TXNL1: variants seen among roughly 807,000 people sequenced by gnomAD.
TXNL1 encodes the protein thioredoxin like 1, also known as thioredoxin-like protein 1.
Under a neutral mutation model 35.5 loss-of-function variants are expected in TXNL1, and 14 were observed. The observed-to-expected ratio is 0.39, with a 90% CI of 0.26 to 0.62. The LOEUF (loss-of-function observed/expected upper bound fraction) is 0.62. TXNL1 is among the 20% of genes least tolerant of loss of function. The probability of loss-of-function intolerance (pLI) is 0.47; values close to 1 mark genes in which losing one functional copy is unlikely to be tolerated. For missense variants in TXNL1, 263 were observed against 349.7 expected, an observed-to-expected ratio of 0.75 and a Z score of 1.98; for synonymous variants, 110 against 115.5, an observed-to-expected ratio of 0.95 and a Z score of 0.31.
At chr18:56,606,914 C>CAT (rs1433295553) in intron 7 of TXNL1, among the ~76,000 whole-genome samples, 2 of 152,146 alleles carry the variant, frequency 1.3e-5, no homozygotes, top group Non-Finnish European at 2.9e-5. Flanking sequence ...TGGGAGAGAC[C>CAT]ATATCCATGT....
intron 7 of TXNL1, among the ~76,000 whole-genome samples, chr18:56,603,892 T>C (rs1337390861): frequency 3.3e-5 from 5 of 152,206 alleles, no homozygotes; most frequent in Non-Finnish European, 7.4e-5. Flanking sequence ...GAAAGATTTC[T>C]GTGTACATTT....
rs1372970692 is a variant in TXNL1 at position 56,629,174 on chromosome 18, T to C, written c.99-2717A>G. On this transcript the variant is annotated intron_variant, in intron 1 of 7. Coordinates refer to ENST00000217515, the MANE Select transcript of TXNL1 (RefSeq NM_004786.3). Reference sequence around the variant, plus strand: ...GTATAAGGAAGTTCAATGTAACATGTTTGTAATAGTAAAGTTAGAAAACAA... The same window carrying C: ...GTATAAGGAAGTTCAATGTAACATGCTTGTAATAGTAAAGTTAGAAAACAA... Among the ~76,000 whole-genome samples the C allele has an allele frequency of 2.0e-5, 3 of 152,192 alleles. No homozygotes were observed. The East Asian group carries it at 5.8e-4, about 29-fold the overall frequency.
Position 56,602,379 on chromosome 18 carries a change from T to C in TXNL1, c.*648A>G. On this transcript the variant is annotated 3_prime_UTR_variant, in exon 8 of 8. Transcript: ENST00000217515. The stretch of plus-strand genomic sequence containing the variant: ...CTGTCTGATTTCCACATTCTTCTAT[T>C]AGTTAAAAAAAAAAAAAAAAAAAAA... 1.4e-5 allele frequency: 1 copy of C among 69,266 alleles called. No individual in the cohort carries two copies. The highest frequency in any genetic ancestry group is 8.1e-4 in the South Asian group (1 of 1,232). The allele number at this position is 69,266 out of a possible 1,614,324, so 4.3% of individuals were successfully genotyped here.
At chr18:56,616,761 G>A (rs1008638168) in intron 4 of TXNL1, among the ~76,000 whole-genome samples, 1 of 152,142 alleles carries the variant, frequency 6.6e-6, no homozygotes, top group Non-Finnish European at 1.5e-5. Context: ...CCCTGAAATG[G>A]ACTCTAATCC....
intron 4 of TXNL1, among the ~76,000 whole-genome samples, chr18:56,616,957 G>GTTTGATGTA (rs1483563000): frequency 2.0e-5 from 3 of 152,188 alleles, no homozygotes; most frequent in African/African-American, 7.2e-5. Flanking sequence ...CCAAAAGTGT[G>GTTTGATGTA]TTTGATGTAC....
At chr18:56,603,082 T>G in intron 7 of TXNL1, 26 bp from the exon 8 acceptor site, 1 of 1,588,764 alleles carries the variant, frequency 6.3e-7, no homozygotes, top group Non-Finnish European at 8.6e-7. Flanking sequence ...TAAGTTTATA[T>G]GTACATCCTA....
chr18:56,601,777 T>C lies in TXNL1; in HGVS notation c.*1250A>G, dbSNP rs1352599947. 6.6e-6 allele frequency: 1 copy of C among 152,196 alleles called. No homozygotes were observed. Among genetic ancestry groups the C allele is most frequent in the Non-Finnish European group, 1.5e-5 (1 of 68,040 alleles). 9.4% of individuals were successfully genotyped at this position (152,196 alleles called of 1,614,324 possible). A position where few individuals can be genotyped will look rare whatever the true frequency, so the allele number is the denominator to read the frequency against. On this transcript the variant is annotated 3_prime_UTR_variant, in exon 8 of 8. Coordinates refer to ENST00000217515, the MANE Select transcript of TXNL1 (RefSeq NM_004786.3). The stretch of plus-strand genomic sequence containing the variant: ...ACAATTTTACAGTCTTATGTACTCT[T>C]TAAAAATAGTTTTCAAAATACTCAG...
chr18:56,610,989 T>C lies in TXNL1; in HGVS notation c.840+4A>G. 1 of 1,567,930 alleles carries C rather than the reference T, an allele frequency of 6.4e-7. No individual in the cohort carries two copies. Among genetic ancestry groups the C allele is most frequent in the South Asian group, 1.2e-5 (1 of 85,092 alleles). On this transcript the variant is annotated splice_donor_region_variant and intron_variant, in intron 7 of 7. Transcript: ENST00000217515. ...ATCCCGAAGTATCATTTAAGCAAAC[T>C]TACTCGTTTGAAGTCATTCATATTT...
At chr18:56,606,177 C>G (rs922935414) in intron 7 of TXNL1, among the ~76,000 whole-genome samples, 11 of 152,138 alleles carry the variant, frequency 7.2e-5, no homozygotes, top group Admixed American at 6.5e-4. Flanking sequence ...GAGATCGAGA[C>G]CATCCTGGCT....
intron 5 of TXNL1, among the ~76,000 whole-genome samples, chr18:56,615,365 C>T (rs2024066997): frequency 7.0e-6 from 1 of 142,684 alleles, no homozygotes; most frequent in Non-Finnish European, 1.5e-5. Flanking sequence ...CTAAATAAGG[C>T]CTTGGTTATT....
In TXNL1 at chr18:56,601,737, A is replaced by G. The variant is rs1025898149; in HGVS notation, c.*1290T>C. ...TATTCCTAGACAAGAATGCCCTCAA[A>G]TGTTTAACTGAATCACAATTTTACA... On this transcript the variant is annotated 3_prime_UTR_variant, in exon 8 of 8. Coordinates refer to ENST00000217515, the MANE Select transcript of TXNL1 (RefSeq NM_004786.3). The G allele has an allele frequency of 6.6e-6, 1 of 152,194 alleles. No homozygotes were observed. Among genetic ancestry groups the G allele is most frequent in the Non-Finnish European group, 1.5e-5 (1 of 68,032 alleles). The allele number at this position is 152,194 out of a possible 1,614,324, so 9.4% of individuals were successfully genotyped here. A position where few individuals can be genotyped will look rare whatever the true frequency, so the allele number is the denominator to read the frequency against.
At chr18:56,633,042 A>T (rs1366884973) in intron 1 of TXNL1, among the ~76,000 whole-genome samples, 2 of 152,224 alleles carry the variant, frequency 1.3e-5, no homozygotes, top group Admixed American at 6.5e-5. Context: ...ATACACTGAC[A>T]TCCTTCTTAG....
At chr18:56,629,567 C>A (rs543817803) in intron 1 of TXNL1, among the ~76,000 whole-genome samples, 1 of 152,250 alleles carries the variant, frequency 6.6e-6, no homozygotes, top group Admixed American at 6.5e-5. Flanking sequence ...GATCACATTT[C>A]AAACCTATGT....
rs2023822730 is a variant in TXNL1 at position 56,602,421 on chromosome 18, T to G, written c.*606A>C. On this transcript the variant is annotated 3_prime_UTR_variant, in exon 8 of 8. Transcript: ENST00000217515. Reference sequence around the variant, plus strand: ...AAAAAAAAAAAGGCTGACTCAAATTTTAAAGTTTACCAGAAGAGATTAAAA... The same window carrying G: ...AAAAAAAAAAAGGCTGACTCAAATTGTAAAGTTTACCAGAAGAGATTAAAA... 1 of 149,086 alleles carries G rather than the reference T, an allele frequency of 6.7e-6. No homozygotes were observed. The highest frequency in any genetic ancestry group is 1.5e-5 in the Non-Finnish European group (1 of 67,364). 9.2% of individuals were successfully genotyped at this position (149,086 alleles called of 1,614,324 possible).
chr18:56,635,711 T>C (rs1197307084), intron 1 of TXNL1, among the ~76,000 whole-genome samples: 2 of 152,088 alleles, frequency 1.3e-5, no homozygotes, highest in East Asian at 1.9e-4. Context: ...TCTAAAGTTA[T>C]AGGAAACAGT....
chr18:56,600,565 G>C lies in TXNL1; in HGVS notation c.*2462C>G, dbSNP rs988286394. 3.3e-5 allele frequency: 5 copies of C among 150,882 alleles called. No individual in the cohort carries two copies. Among genetic ancestry groups the C allele is most frequent in the Non-Finnish European group, 7.3e-5 (5 of 68,064 alleles). 9.3% of individuals were successfully genotyped at this position (150,882 alleles called of 1,614,324 possible). On this transcript the variant is annotated 3_prime_UTR_variant, in exon 8 of 8. Coordinates refer to ENST00000217515, the MANE Select transcript of TXNL1 (RefSeq NM_004786.3). ...AGGTTTCAACTCTAATTGTTATGTG[G>C]CTGCCTCCAACAGTATATTGAGACT... is the stretch of plus-strand genomic sequence containing the variant.
chr18:56,620,777 G>A (rs2144311436), intron 3 of TXNL1, among the ~76,000 whole-genome samples: 1 of 152,302 alleles, frequency 6.6e-6, no homozygotes, highest in South Asian at 2.1e-4. Context: ...AAAGACTGAA[G>A]AAAACTTTGT....
chr18:56,610,822 TA>T, intron 7 of TXNL1, 170 bp downstream of exon 7: 1 of 454,362 alleles, frequency 2.2e-6, no homozygotes, highest in Non-Finnish European at 3.9e-6. Context: ...GTTGGATATC[TA>T]AAAATATAGT....
chr18:56,616,443 AAT>A (rs2024088246), intron 4 of TXNL1, 129 bp from the exon 5 acceptor site: 2 of 736,278 alleles, frequency 2.7e-6, no homozygotes, highest in African/African-American at 1.8e-5. Flanking sequence ...AAACCAACGT[AAT>A]ATGAAAAATC....
Sources: gnomAD v4.1 joint callset for allele counts (sites outside exome capture counted in the v4.1 genomes callset) on GRCh38, gnomAD v4.1.1 for gene constraint, MANE v1.5 for transcripts, NCBI Gene and HGNC (gene_info 2026-07-23, HGNC 2026-07-21) for gene names.